Variants in WWOX observed in about 807,000 individuals in gnomAD.
The protein encoded by WWOX is WW domain containing oxidoreductase, also known as WW domain-containing oxidoreductase.
Under a neutral mutation model 46.2 loss-of-function variants are expected in WWOX, and 69 were observed. That is an observed-to-expected ratio of 1.49 (90% CI 1.23 to 1.82). The LOEUF is 1.82. Ranked by LOEUF, WWOX falls within the 40% of genes most tolerant of loss-of-function variation. WWOX has a pLI of 0.00. For synonymous variants in WWOX, 359 were observed against 202.6 expected, an observed-to-expected ratio of 1.77 and a Z score of -6.56; for missense variants, 919 against 542.6, an observed-to-expected ratio of 1.69 and a Z score of -6.89.
At chr16:78,377,538 T>C (rs1342016318) in intron 5 of WWOX, among the ~76,000 whole-genome samples, 3 of 152,172 alleles carry the variant, frequency 2.0e-5, no homozygotes, top group Non-Finnish European at 4.4e-5. Flanking sequence ...AAATTCACTA[T>C]GAAAAAAAGC....
chr16:78,853,379 A>G (rs1259849524), intron 8 of WWOX, among the ~76,000 whole-genome samples: 1 of 151,974 alleles, frequency 6.6e-6, no homozygotes, highest in Non-Finnish European at 1.5e-5. Context: ...AGCCCGACTG[A>G]TTTTTGTATT....
At chr16:78,431,450 C>T (rs182277550) in intron 7 of WWOX, among the ~76,000 whole-genome samples, 2 of 152,158 alleles carry the variant, frequency 1.3e-5, no homozygotes, top group African/African-American at 4.8e-5. Context: ...ATACAGGACT[C>T]AAGCATTAGC....
At chr16:78,144,463 A>ATG (rs1768383138) in intron 4 of WWOX, among the ~76,000 whole-genome samples, 1 of 18,490 alleles carries the variant, frequency 5.4e-5, no homozygotes, top group East Asian at 2.7e-3. Context: ...ATATATATAT[A>ATG]CACACATATA....
At chr16:79,136,998 G>C (rs1415515313) in intron 8 of WWOX, among the ~76,000 whole-genome samples, 1 of 152,196 alleles carries the variant, frequency 6.6e-6, no homozygotes, top group Non-Finnish European at 1.5e-5. Context: ...TGGAGGAAAA[G>C]ACAACTGAGA....
chr16:78,808,308 C>T (rs1352867119), intron 8 of WWOX, among the ~76,000 whole-genome samples: 3 of 152,232 alleles, frequency 2.0e-5, no homozygotes, highest in Non-Finnish European at 4.4e-5. Flanking sequence ...GGAACAACTA[C>T]TGTATGGCCA....
chr16:78,663,225 T>C (rs890969776), intron 8 of WWOX, among the ~76,000 whole-genome samples: 28 of 152,212 alleles, frequency 1.8e-4, no homozygotes, highest in Middle Eastern at 3.2e-3. Context: ...CTATTTCGGG[T>C]AATTGATATA....
In WWOX at chr16:78,254,502, GTTT is replaced by G. The variant is rs59706959; in HGVS notation, c.516+90228_516+90230del. On this transcript the variant is annotated intron_variant, in intron 5 of 8. Coordinates refer to ENST00000566780, the MANE Select transcript of WWOX (RefSeq NM_016373.4). ...CACTTTTCTTTTTCTTTTCTTTCTT[GTTT>G]TTTTTTTTTTTTTTGTTTGACACAG... is the stretch of plus-strand genomic sequence containing the variant. 6.1e-3 allele frequency among the ~76,000 whole-genome samples: 557 copies of G among 91,646 alleles called. 9 individuals carry two copies. The highest frequency in any genetic ancestry group is 0.028 in the African/African-American group (533 of 19,296). The allele number at this position is 91,646 out of a possible 152,430, so 60.1% of individuals were successfully genotyped here.
chr16:79,130,665 G>C (rs765231344), intron 8 of WWOX, among the ~76,000 whole-genome samples: 9 of 152,138 alleles, frequency 5.9e-5, no homozygotes, highest in Non-Finnish European at 8.8e-5. Flanking sequence ...ATTAACCCAG[G>C]GCAACAAGAA....
At chr16:78,341,905 C>G (rs960604370) in intron 5 of WWOX, among the ~76,000 whole-genome samples, 2 of 119,460 alleles carry the variant, frequency 1.7e-5, no homozygotes, top group African/African-American at 2.8e-5. Flanking sequence ...GCTTGTCTTA[C>G]AGGAGTTGAA....
intron 8 of WWOX, among the ~76,000 whole-genome samples, chr16:78,598,212 G>C (rs551383129): frequency 6.6e-6 from 1 of 152,204 alleles, no homozygotes; most frequent in Non-Finnish European, 1.5e-5. Context: ...GACCACTTCT[G>C]GCCCAGAAAC....
At chr16:78,432,070 A>T (rs1020665941) in intron 7 of WWOX, among the ~76,000 whole-genome samples, 1 of 151,136 alleles carries the variant, frequency 6.6e-6, no homozygotes, top group African/African-American at 2.4e-5. Context: ...CTTTGTTTTG[A>T]TGTATGTAAG....
At chr16:78,393,303 G>C (rs550038331) in intron 6 of WWOX, among the ~76,000 whole-genome samples, 1 of 152,278 alleles carries the variant, frequency 6.6e-6, no homozygotes, top group Admixed American at 6.5e-5. Context: ...ATTTTGAACA[G>C]GGCCTAGAAG....
intron 5 of WWOX, among the ~76,000 whole-genome samples, chr16:78,201,920 C>G (rs1319600389): frequency 6.6e-6 from 1 of 151,924 alleles, no homozygotes; most frequent in Non-Finnish European, 1.5e-5. Context: ...AGGCTGGTCA[C>G]GAACTCCTAA....
intron 8 of WWOX, among the ~76,000 whole-genome samples, chr16:79,197,788 TG>T (rs1027318419): frequency 6.6e-6 from 1 of 152,108 alleles, no homozygotes; most frequent in Non-Finnish European, 1.5e-5. Context: ...CATCCCACCA[TG>T]ACGATGGGAG....
At chr16:78,384,959 C>G (rs1472606741) in intron 5 of WWOX, among the ~76,000 whole-genome samples, 2 of 152,106 alleles carry the variant, frequency 1.3e-5, no homozygotes, top group Non-Finnish European at 2.9e-5. Flanking sequence ...CATGGTGAAA[C>G]CCCGTCTGTA....
intron 8 of WWOX, among the ~76,000 whole-genome samples, chr16:78,708,502 G>C (rs576818089): frequency 1.3e-5 from 2 of 152,086 alleles, no homozygotes; most frequent in Non-Finnish European, 2.9e-5. Flanking sequence ...TGTATCAAGC[G>C]TTTACCATCT....
intron 8 of WWOX, among the ~76,000 whole-genome samples, chr16:78,458,059 A>C (rs993665621): frequency 3.0e-5 from 2 of 66,576 alleles, no homozygotes; most frequent in Non-Finnish European, 4.9e-5. Context: ...CCTGGGTGAC[A>C]AAAAAAAAAC....
intron 8 of WWOX, among the ~76,000 whole-genome samples, chr16:79,142,983 C>T (rs983583692): frequency 1.3e-5 from 2 of 152,030 alleles, no homozygotes; most frequent in African/African-American, 2.4e-5. Flanking sequence ...AGATTACAGG[C>T]GTGAGCTACC....
chr16:78,959,034 T>C (rs1567438713), intron 8 of WWOX, among the ~76,000 whole-genome samples: 1 of 152,192 alleles, frequency 6.6e-6, no homozygotes, highest in Admixed American at 6.5e-5. Context: ...AGACATTTAA[T>C]ATTAAAATAA....
Sources: gnomAD v4.1 joint callset for allele counts (sites outside exome capture counted in the v4.1 genomes callset) on GRCh38, gnomAD v4.1.1 for gene constraint, MANE v1.5 for transcripts, NCBI Gene and HGNC (gene_info 2026-07-23, HGNC 2026-07-21) for gene names.